The following FBXL7 variants were observed in gnomAD, a reference collection of about 807,000 sequenced individuals.
FBXL7 encodes the protein F-box and leucine rich repeat protein 7.
FBXL7 carries 12 observed loss-of-function variants against 38.3 expected under a neutral mutation model. The ratio of observed to expected loss-of-function variants is 0.31; its 90% CI spans 0.20 to 0.51. The LOEUF (loss-of-function observed/expected upper bound fraction) is 0.51, where lower values mean the gene tolerates loss of function less well. FBXL7 is among the 20% of genes least tolerant of loss of function. The probability of loss-of-function intolerance (pLI) is 0.98; values close to 1 mark genes in which losing one functional copy is unlikely to be tolerated. For missense variants in FBXL7, 567 were observed against 676.4 expected, an observed-to-expected ratio of 0.84 and a Z score of 1.79; for synonymous variants, 297 against 300.9, an observed-to-expected ratio of 0.99 and a Z score of 0.13.
At chr5:15,623,836 A>G (rs577287518) in intron 2 of FBXL7, among the ~76,000 whole-genome samples, 1 of 152,250 alleles carries the variant, frequency 6.6e-6, no homozygotes, top group South Asian at 2.1e-4. Flanking sequence ...TTCTCTTGAG[A>G]AGGCATAAAT....
chr5:15,880,721 T>TTATATATATATATA (rs3034531), intron 2 of FBXL7, among the ~76,000 whole-genome samples: 4 of 143,360 alleles, frequency 2.8e-5, no homozygotes, highest in Admixed American at 2.1e-4. Flanking sequence ...ATATACTATA[T>TTATATATATATATA]TATATATATA....
At chr5:15,743,408 TA>T (rs1485943545) in intron 2 of FBXL7, among the ~76,000 whole-genome samples, 2 of 152,178 alleles carry the variant, frequency 1.3e-5, no homozygotes, top group Admixed American at 6.5e-5. Context: ...AGTTGGTCAG[TA>T]AAAATGTTAA....
At chr5:15,932,461 G>A (rs62348108) in intron 3 of FBXL7, among the ~76,000 whole-genome samples, 8,200 of 152,166 alleles carry the variant, frequency 0.054, 717 homozygotes, top group African/African-American at 0.19. Context: ...ATGAAATCTG[G>A]GATTAACTGA....
At chr5:15,886,949 C>T (rs928525715) in intron 2 of FBXL7, among the ~76,000 whole-genome samples, 2 of 152,122 alleles carry the variant, frequency 1.3e-5, no homozygotes, top group African/African-American at 4.8e-5. Flanking sequence ...TGTGGCTCAC[C>T]CGCAATTACA....
chr5:15,742,079 A>G (rs1040516263), intron 2 of FBXL7, among the ~76,000 whole-genome samples: 1 of 152,188 alleles, frequency 6.6e-6, no homozygotes, highest in Non-Finnish European at 1.5e-5. Flanking sequence ...TTTCTGCTTA[A>G]TGGACACTTT....
intron 2 of FBXL7, among the ~76,000 whole-genome samples, chr5:15,863,673 T>C (rs1739578388): frequency 6.6e-6 from 1 of 152,134 alleles, no homozygotes; most frequent in Non-Finnish European, 1.5e-5. Context: ...GTGGGAGGTA[T>C]TTGGGTCATG....
At chr5:15,852,755 T>C (rs1315455177) in intron 2 of FBXL7, among the ~76,000 whole-genome samples, 4 of 152,166 alleles carry the variant, frequency 2.6e-5, no homozygotes, top group African/African-American at 7.2e-5. Flanking sequence ...GAACTAAACC[T>C]GGGTGTTTAG....
intron 2 of FBXL7, among the ~76,000 whole-genome samples, chr5:15,783,021 A>G (rs969094027): frequency 5.9e-5 from 9 of 152,154 alleles, no homozygotes; most frequent in Admixed American, 1.3e-4. Flanking sequence ...CAACTGGCCA[A>G]TGTGCAAGCA....
At chr5:15,734,535 T>G (rs1735697625) in intron 2 of FBXL7, among the ~76,000 whole-genome samples, 1 of 152,220 alleles carries the variant, frequency 6.6e-6, no homozygotes, top group Non-Finnish European at 1.5e-5. Context: ...TCCCAAGGCC[T>G]GTCTCAGGCA....
At chr5:15,729,503 G>GA (rs1283195997) in intron 2 of FBXL7, among the ~76,000 whole-genome samples, 4 of 151,802 alleles carry the variant, frequency 2.6e-5, no homozygotes, top group African/African-American at 9.7e-5. Flanking sequence ...AAAGAAGAAA[G>GA]AAAAAATTAC....
At chr5:15,523,126 A>G (rs115093994) in intron 1 of FBXL7, among the ~76,000 whole-genome samples, 9 of 152,216 alleles carry the variant, frequency 5.9e-5, no homozygotes, top group Non-Finnish European at 8.8e-5. Context: ...AGAAAGTCCT[A>G]TTGTACCGCA....
intron 2 of FBXL7, among the ~76,000 whole-genome samples, chr5:15,896,863 G>A (rs1172628312): frequency 6.6e-6 from 1 of 152,212 alleles, no homozygotes; most frequent in East Asian, 1.9e-4. Context: ...GCCTGGCATG[G>A]TGGGCCTTGC....
intron 1 of FBXL7, among the ~76,000 whole-genome samples, chr5:15,584,966 AGTT>A (rs1403289535): frequency 1.3e-5 from 2 of 152,214 alleles, no homozygotes; most frequent in Admixed American, 6.5e-5. Flanking sequence ...AGTTGTGTGG[AGTT>A]GTTAACACAG....
At position 15,896,028 on chromosome 5, in the gene FBXL7, C is replaced by CT. The variant is rs571938099; in HGVS notation, c.128-31848dup. ...AGAGTCAGCTGAATGACTGAGTCTA[C>CT]TTTTTTTTTTTTTTGAGACAGAGTC... On this transcript the variant is annotated intron_variant, in intron 2 of 3. Transcript: ENST00000504595. 3.0e-3 allele frequency among the ~76,000 whole-genome samples: 398 copies of CT among 134,526 alleles called. 1 individual carries two copies. The highest frequency in any genetic ancestry group is 0.016 in the East Asian group (69 of 4,418). 88.3% of individuals were successfully genotyped at this position (134,526 alleles called of 152,430 possible).
At chr5:15,614,720 G>GGCATT (rs1228652350) in intron 1 of FBXL7, among the ~76,000 whole-genome samples, 1 of 152,174 alleles carries the variant, frequency 6.6e-6, no homozygotes, top group East Asian at 1.9e-4. Context: ...CTGCAATGAA[G>GGCATT]GCATTGGCCA....
At chr5:15,618,506 G>A (rs1740523924) in intron 2 of FBXL7, among the ~76,000 whole-genome samples, 1 of 152,238 alleles carries the variant, frequency 6.6e-6, no homozygotes, top group African/African-American at 2.4e-5. Flanking sequence ...GGATGTTTGC[G>A]GGATGATTAG....
chr5:15,736,636 G>C (rs940577144), intron 2 of FBXL7, among the ~76,000 whole-genome samples: 2 of 152,110 alleles, frequency 1.3e-5, no homozygotes, highest in African/African-American at 4.8e-5. Context: ...TCTCCATTTG[G>C]CTGATTTTAA....
chr5:15,920,953 G>C (rs568216507), intron 2 of FBXL7, among the ~76,000 whole-genome samples: 1 of 152,034 alleles, frequency 6.6e-6, no homozygotes, highest in African/African-American at 2.4e-5. Context: ...AAAAGTGTGT[G>C]GTCATTTCTC....
At chr5:15,725,969 A>C (rs927249528) in intron 2 of FBXL7, among the ~76,000 whole-genome samples, 21 of 152,162 alleles carry the variant, frequency 1.4e-4, no homozygotes, top group African/African-American at 4.3e-4. Flanking sequence ...AGGGTATTCA[A>C]GTCTGCAACT....
Sources: allele counts gnomAD v4.1 joint callset (sites outside exome capture counted in the v4.1 genomes callset), GRCh38; gene constraint gnomAD v4.1.1; transcripts MANE v1.5; gene names NCBI Gene and HGNC (gene_info 2026-07-23, HGNC 2026-07-21).